Variants in CDK18 observed in about 807,000 individuals in gnomAD.
CDK18 encodes the protein cyclin dependent kinase 18.
Under a neutral mutation model 62.0 loss-of-function variants are expected in CDK18, and 52 were observed. The ratio of observed to expected loss-of-function variants is 0.84; its 90% CI spans 0.67 to 1.06. The LOEUF (loss-of-function observed/expected upper bound fraction) is 1.06, where lower values mean the gene tolerates loss of function less well. CDK18 is among the 50% of genes least tolerant of loss of function. The pLI is 0.00. For missense variants in CDK18, 604 were observed against 619.9 expected (o/e 0.97, Z 0.27); for synonymous variants, 237 against 247.0 (o/e 0.96, Z 0.38).
intron 1 of CDK18, among the ~76,000 whole-genome samples, chr1:205,520,459 G>A (rs535565943): frequency 3.6e-4 from 55 of 152,262 alleles, no homozygotes; most frequent in Admixed American, 9.2e-4. Flanking sequence ...AGCACTTTGG[G>A]AGGCCGAGGA....
At chr1:205,530,462 GC>G (rs574694264) in intron 14 of CDK18, 113 bp downstream of exon 14, 420 of 1,266,966 alleles carry the variant, frequency 3.3e-4, no homozygotes, top group Admixed American at 4.1e-4. Flanking sequence ...CAGCAGAGCA[GC>G]CCCGGGCACC....
At chr1:205,519,309 T>C (rs1667994325) in intron 1 of CDK18, among the ~76,000 whole-genome samples, 2 of 151,770 alleles carry the variant, frequency 1.3e-5, no homozygotes, top group Non-Finnish European at 2.9e-5. Flanking sequence ...GACTATTCAC[T>C]GCCCAGTCTG....
At chr1:205,526,271 CATTGCTGGA>C (rs1308537153) in intron 6 of CDK18, 87 bp from the exon 7 acceptor site, 3 of 1,462,428 alleles carry the variant, frequency 2.1e-6, no homozygotes, top group Non-Finnish European at 2.9e-6. Context: ...GGTAGAGGAT[CATTGCTGGA>C]ATGGGACTCC....
chr1:205,529,686 C>A, intron 13 of CDK18, 123 bp downstream of exon 13: 1 of 1,559,390 alleles, frequency 6.4e-7, no homozygotes, highest in Non-Finnish European at 8.7e-7. Flanking sequence ...AAACATCTCC[C>A]CTGTACTCTC....
intron 1 of CDK18, 22 bp from the exon 2 acceptor site, chr1:205,523,125 C>G (rs1668218823): frequency 1.3e-6 from 2 of 1,567,752 alleles, no homozygotes; most frequent in Non-Finnish European, 1.7e-6. Context: ...TTCAACTGCT[C>G]TTCTCACACT....
intron 7 of CDK18, 46 bp from the exon 8 acceptor site, chr1:205,526,729 C>A (rs555855091): frequency 1.3e-6 from 2 of 1,558,464 alleles, no homozygotes; most frequent in South Asian, 1.1e-5. Context: ...GGGCTTCTGG[C>A]CAGGGGTCAG....
chr1:205,528,007 A>G lies in CDK18; in HGVS notation c.854-41A>G. The G allele has an allele frequency of 1.9e-6, 3 of 1,613,730 alleles. No homozygotes were observed. Among genetic ancestry groups the G allele is most frequent in the Non-Finnish European group, 2.5e-6 (3 of 1,179,702 alleles). ...GGGAGGGCATAGCAGTCAACCCCAC[A>G]GCACCTGTGGACAGAGGTCCAGTGA... On this transcript the variant is annotated intron_variant, in intron 9 of 15. Transcript: ENST00000429964. This position sits in a 1 kb window ranked among gnomAD's most constrained non-coding sequence, Gnocchi z 4.2.
In CDK18 at chr1:205,516,513, G is replaced by C. The variant is rs769739236; in HGVS notation, c.-21-6634G>C. On this transcript the variant is annotated intron_variant, in intron 1 of 15. Transcript: ENST00000429964. This position sits in a 1 kb window ranked among gnomAD's most constrained non-coding sequence, Gnocchi z 4.8. Reference sequence around the variant, plus strand: ...AAACAAAACAAAAAGAGGGACTTGGGGATGCATCTAACATGTGCCTGGAAC... The same window carrying C: ...AAACAAAACAAAAAGAGGGACTTGGCGATGCATCTAACATGTGCCTGGAAC... Among the ~76,000 whole-genome samples, 1 of 152,136 alleles carries C rather than the reference G, an allele frequency of 6.6e-6. No individual in the cohort carries two copies. The highest frequency in any genetic ancestry group is 1.9e-4 in the East Asian group (1 of 5,186).
In CDK18 at chr1:205,528,644, T is replaced by G; in HGVS notation, c.975-355T>G. ...CCCAAGGTTCCCCAGGAGAATGGAT[T>G]TATGTACTTCTCTTCCAGTGGGGCA... On this transcript the variant is annotated intron_variant, in intron 10 of 15. Coordinates refer to ENST00000429964, the MANE Select transcript of CDK18 (RefSeq NM_212502.3). This position sits in a 1 kb window ranked among gnomAD's most constrained non-coding sequence, Gnocchi z 4.2. The G allele has an allele frequency of 3.4e-6, 1 of 292,150 alleles. No homozygotes were observed. Among genetic ancestry groups the G allele is most frequent in the Non-Finnish European group, 6.3e-6 (1 of 157,492 alleles). 18.1% of individuals were successfully genotyped at this position (292,150 alleles called of 1,614,324 possible). A position where few individuals can be genotyped will look rare whatever the true frequency, so the allele number is the denominator to read the frequency against.
chr1:205,512,404 T>C (rs1667608251), intron 1 of CDK18, among the ~76,000 whole-genome samples: 1 of 152,184 alleles, frequency 6.6e-6, no homozygotes, highest in South Asian at 2.1e-4. Context: ...GGACAGTGCC[T>C]GGCGCTGAGC....
rs563300857 is a variant in CDK18, at chr1:205,517,813, C to A, written c.-21-5334C>A. On this transcript the variant is annotated intron_variant, in intron 1 of 15. Transcript: ENST00000429964. The surrounding 1 kb of genome is among the most constrained non-coding windows in gnomAD (Gnocchi z 4.1). ...CTCCCCTGGGCCTCAGCAGCAGCCT[C>A]CTGCCCGGGCTCCCTGCTCTCCCCT... Among the ~76,000 whole-genome samples, 1 of 152,076 alleles carries A rather than the reference C, an allele frequency of 6.6e-6. No homozygotes were observed.
In CDK18 at chr1:205,524,334, C is replaced by T. The variant is rs142059289; in HGVS notation, c.376C>T (p.Arg126Cys). 72 of 1,614,184 alleles carry T rather than the reference C, an allele frequency of 4.5e-5. No homozygotes were observed. In the South Asian group the frequency reaches 6.1e-4, roughly 14 times the overall value. ...ESPDLPKPLSRMSRRASLSDI... is the reference protein window; with the variant it reads ...ESPDLPKPLSCMSRRASLSDI... ...CCCAGATCTGCCCAAGCCGCTCAGC[C>T]GCATGTCCCGCCGGGCCTCCCTGGT... Residue 126 changes from arginine (R) to cysteine (C), a missense_variant, in exon 4 of 16, where the codon CGC (arginine) becomes TGC (cysteine). Arg to Cys is a radical substitution (Grantham distance 180, BLOSUM62 -3). Transcript: ENST00000429964.
In CDK18 at chr1:205,516,314, G is replaced by T. The variant is rs1667814210; in HGVS notation, c.-21-6833G>T. Among the ~76,000 whole-genome samples, 1 of 152,076 alleles carries T rather than the reference G, an allele frequency of 6.6e-6. No individual in the cohort carries two copies. The highest frequency in any genetic ancestry group is 2.4e-5 in the African/African-American group (1 of 41,406). ...TTCACCCAAGGGCCAAAGTGGCTGA[G>T]TGACCGAGGCAGGGGCAGGGACTGG... is the stretch of plus-strand genomic sequence containing the variant. On this transcript the variant is annotated intron_variant, in intron 1 of 15. Coordinates refer to ENST00000429964, the MANE Select transcript of CDK18 (RefSeq NM_212502.3). The surrounding 1 kb of genome is among the most constrained non-coding windows in gnomAD (Gnocchi z 4.8).
At chr1:205,519,791 G>A (rs535121924) in intron 1 of CDK18, among the ~76,000 whole-genome samples, 4 of 151,968 alleles carry the variant, frequency 2.6e-5, no homozygotes, top group African/African-American at 4.8e-5. Flanking sequence ...TTGCAGAAAT[G>A]GGGGGCCTCC....
Position 205,527,500 on chromosome 1 carries a change from A to AAAG in CDK18, c.730-294_730-293insAAG. On this transcript the variant is annotated intron_variant, in intron 8 of 15. Coordinates refer to ENST00000429964, the MANE Select transcript of CDK18 (RefSeq NM_212502.3). This position sits in a 1 kb window ranked among gnomAD's most constrained non-coding sequence, Gnocchi z 4.1. ...ACTCTAAAAGAAAAAAAAAAAAAAA[A>AAAG]GGGATCAAGCACATATGTCTCCACA... The AAAG allele has an allele frequency of 3.7e-6, 1 of 272,140 alleles. No individual in the cohort carries two copies. The highest frequency in any genetic ancestry group is 6.9e-6 in the Non-Finnish European group (1 of 144,716). 16.9% of individuals were successfully genotyped at this position (272,140 alleles called of 1,614,324 possible).
Position 205,523,260 on chromosome 1 carries a change from G to T in CDK18, c.93G>T (p.Thr31=). The T allele has an allele frequency of 6.2e-7, 1 of 1,614,148 alleles. No homozygotes were observed. Among genetic ancestry groups the T allele is most frequent in the Non-Finnish European group, 8.5e-7 (1 of 1,180,010 alleles). The change falls in exon 2 of 16, where the codon ACG becomes ACT. Residue 31 remains threonine, a synonymous_variant. Transcript: ENST00000429964. ...TTGAAGAATCCTTGGCTGAATTCACGGAGCAATTCAACCAGCTCCACAACC... is the reference window on the plus strand; with the variant it reads ...TTGAAGAATCCTTGGCTGAATTCACTGAGCAATTCAACCAGCTCCACAACC... ...ETIEESLAEF[T]EQFNQLHNRR...
chr1:205,530,589 C>G, intron 14 of CDK18, 39 bp from the exon 15 acceptor site: 1 of 1,569,926 alleles, frequency 6.4e-7, no homozygotes, highest in Non-Finnish European at 8.8e-7. Flanking sequence ...AGGCCAGCTC[C>G]ACGCAGCCCT....
In CDK18 at chr1:205,529,319, C is replaced by G. The variant is rs747285855; in HGVS notation, c.1073-5C>G. The G allele has an allele frequency of 6.2e-7, 1 of 1,612,358 alleles. No individual in the cohort carries two copies. The highest frequency in any genetic ancestry group is 1.1e-5 in the South Asian group (1 of 90,864). On this transcript the variant is annotated splice_polypyrimidine_tract_variant and splice_region_variant and intron_variant, in intron 11 of 15. Transcript: ENST00000429964. ...GGCCCTCCCCACCCTCTCTCGTCTC[C>G]CCAGGGACCCCCACAGAAGAGACGT...
chr1:205,507,915 C>T (rs573288655), intron 1 of CDK18, among the ~76,000 whole-genome samples: 104 of 152,236 alleles, frequency 6.8e-4, no homozygotes, highest in African/African-American at 2.4e-3. Context: ...TGGAAATCTT[C>T]CAGGAGGGGC....
Sources: allele counts gnomAD v4.1 joint callset (sites outside exome capture counted in the v4.1 genomes callset), GRCh38; gene constraint gnomAD v4.1.1; non-coding constraint Gnocchi (gnomAD v3.1); transcripts MANE v1.5; gene names NCBI Gene and HGNC (gene_info 2026-07-23, HGNC 2026-07-21).